ARHGEF7: variants seen among roughly 807,000 people sequenced by gnomAD.
ARHGEF7 encodes PAK-interacting exchange factor beta.
Under a neutral mutation model 109.8 loss-of-function variants are expected in ARHGEF7, and 33 were observed. The observed-to-expected ratio is 0.30, with a 90% CI of 0.23 to 0.40. The LOEUF is 0.40. Ranked by LOEUF, ARHGEF7 falls within the 10% of genes least tolerant of loss-of-function variation. The probability of loss-of-function intolerance (pLI) is 1.00; values close to 1 mark genes in which losing one functional copy is unlikely to be tolerated. For missense variants in ARHGEF7, 938 were observed against 1,098.5 expected, an observed-to-expected ratio of 0.85 and a Z score of 2.07; for synonymous variants, 458 against 424.6, an observed-to-expected ratio of 1.08 and a Z score of -0.97.
intron 1 of ARHGEF7, among the ~76,000 whole-genome samples, chr13:111,153,218 CG>C (rs996640778): frequency 3.3e-5 from 5 of 152,276 alleles, no homozygotes; most frequent in African/African-American, 1.2e-4. Context: ...TCTCTCCCAA[CG>C]ATCAGGGGTT....
chr13:111,123,863 C>CCA (rs1555339510), intron 1 of ARHGEF7, among the ~76,000 whole-genome samples: 137 of 3,946 alleles, frequency 0.035, 4 homozygotes, highest in Non-Finnish European at 0.091. Flanking sequence ...GTGGGCTGCG[C>CCA]CCCCCCCCCC....
intron 2 of ARHGEF7, among the ~76,000 whole-genome samples, chr13:111,200,419 C>T (rs928680204): frequency 6.6e-6 from 1 of 151,652 alleles, no homozygotes; most frequent in Non-Finnish European, 1.5e-5. Context: ...AGCCAGCTCT[C>T]TTGACCCTGG....
At chr13:111,203,095 C>G in intron 2 of ARHGEF7, 1 of 1,283,416 alleles carries the variant, frequency 7.8e-7, no homozygotes, top group Non-Finnish European at 1.0e-6. Flanking sequence ...GGTTTTGTGA[C>G]TTGCTGCCTT....
chr13:111,230,567 G>T (rs980708956), intron 5 of ARHGEF7, among the ~76,000 whole-genome samples: 2 of 152,214 alleles, frequency 1.3e-5, no homozygotes, highest in African/African-American at 4.8e-5. Flanking sequence ...AAGGAGCTTT[G>T]CATCAGAAGC....
At chr13:111,138,848 G>A (rs2075211870) in intron 1 of ARHGEF7, among the ~76,000 whole-genome samples, 1 of 152,136 alleles carries the variant, frequency 6.6e-6, no homozygotes. Context: ...AAAGAGCTGG[G>A]TCTGGAGAAC....
At chr13:111,194,593 T>A (rs1366535317) in intron 2 of ARHGEF7, among the ~76,000 whole-genome samples, 1 of 152,254 alleles carries the variant, frequency 6.6e-6, no homozygotes, top group Non-Finnish European at 1.5e-5. Context: ...GATGCCTTGT[T>A]CCCTTGATCA....
At chr13:111,207,964 C>A (rs545554463) in intron 3 of ARHGEF7, among the ~76,000 whole-genome samples, 11 of 152,304 alleles carry the variant, frequency 7.2e-5, no homozygotes, top group African/African-American at 2.6e-4. Context: ...AGGAATGACC[C>A]CTCCTAGATG....
At chr13:111,144,704 A>G (rs2075502093) in intron 1 of ARHGEF7, 1 of 152,210 alleles carries the variant, frequency 6.6e-6, no homozygotes, top group Non-Finnish European at 1.5e-5. Context: ...TCTGCATGAC[A>G]TGGTGGAGAT....
chr13:111,196,618 G>A (rs1298035520), intron 2 of ARHGEF7, among the ~76,000 whole-genome samples: 4 of 152,134 alleles, frequency 2.6e-5, no homozygotes, highest in African/African-American at 9.7e-5. Context: ...GGACATAACC[G>A]ATAGCCCGGG....
intron 1 of ARHGEF7, among the ~76,000 whole-genome samples, chr13:111,146,915 T>A (rs567107202): frequency 6.6e-6 from 1 of 152,332 alleles, no homozygotes; most frequent in South Asian, 2.1e-4. Flanking sequence ...AAAGGCATAC[T>A]TTGAAGGAAA....
intron 3 of ARHGEF7, among the ~76,000 whole-genome samples, chr13:111,206,911 G>A (rs1479248854): frequency 2.1e-5 from 3 of 144,490 alleles, no homozygotes; most frequent in Non-Finnish European, 3.0e-5. Context: ...GCAGTGAGCC[G>A]AGATCGCGCC....
intron 1 of ARHGEF7, among the ~76,000 whole-genome samples, chr13:111,147,160 T>C (rs2153366321): frequency 6.6e-6 from 1 of 152,306 alleles, no homozygotes; most frequent in Admixed American, 6.5e-5. Context: ...GCTATGAACA[T>C]TGCTGTACAT....
At chr13:111,291,859 T>C (rs1406060561) in intron 18 of ARHGEF7, among the ~76,000 whole-genome samples, 1 of 152,214 alleles carries the variant, frequency 6.6e-6, no homozygotes, top group Non-Finnish European at 1.5e-5. Context: ...AAAAAGCAGT[T>C]TGAAACATTG....
intron 1 of ARHGEF7, among the ~76,000 whole-genome samples, chr13:111,135,865 T>C (rs2075059051): frequency 6.6e-6 from 1 of 152,214 alleles, no homozygotes; most frequent in Non-Finnish European, 1.5e-5. Flanking sequence ...GGCATCCCTG[T>C]CTTGTGCCAG....
intron 2 of ARHGEF7, among the ~76,000 whole-genome samples, chr13:111,172,779 T>A (rs576127416): frequency 1.3e-5 from 2 of 152,232 alleles, no homozygotes; most frequent in Non-Finnish European, 2.9e-5. Context: ...GGGGCAGACC[T>A]CTGTCACAAT....
intron 2 of ARHGEF7, among the ~76,000 whole-genome samples, chr13:111,198,252 A>G (rs2080792719): frequency 6.6e-6 from 1 of 152,062 alleles, no homozygotes; most frequent in African/African-American, 2.4e-5. Flanking sequence ...AATTCTACGG[A>G]AAAATAGGAC....
chr13:111,138,265 A>T (rs2075178685), intron 1 of ARHGEF7, among the ~76,000 whole-genome samples: 1 of 151,992 alleles, frequency 6.6e-6, no homozygotes, highest in African/African-American at 2.4e-5. Flanking sequence ...GTAAGCCAAG[A>T]TCTCACTATA....
In ARHGEF7 at chr13:111,255,600, G is replaced by T. The variant is rs2090330497; in HGVS notation, c.950+11306G>T. Among the ~76,000 whole-genome samples the T allele has an allele frequency of 6.6e-6, 1 of 152,210 alleles. No homozygotes were observed. Among genetic ancestry groups the T allele is most frequent in the Non-Finnish European group, 1.5e-5 (1 of 68,024 alleles). ...TCCCTGTGCACCATTTATAACTTCA[G>T]TTGTGAAAATGTAACTTCGCACTGG... On this transcript the variant is annotated intron_variant, in intron 8 of 21. Transcript: ENST00000646102. The surrounding 1 kb of genome is among the most constrained non-coding windows in gnomAD (Gnocchi z 4.1).
At chr13:111,298,197 TTTTC>T (rs1406867870) in intron 19 of ARHGEF7, among the ~76,000 whole-genome samples, 1 of 152,246 alleles carries the variant, frequency 6.6e-6, no homozygotes, top group African/African-American at 2.4e-5. Context: ...ATATTCTGGA[TTTTC>T]TTTGTTTCAT....
Sources: gnomAD v4.1 joint callset for allele counts (sites outside exome capture counted in the v4.1 genomes callset) on GRCh38, gnomAD v4.1.1 for gene constraint, Gnocchi (gnomAD v3.1) non-coding constraint, MANE v1.5 for transcripts, NCBI Gene and HGNC (gene_info 2026-07-23, HGNC 2026-07-21) for gene names.